PTPRD: variants seen among roughly 807,000 people sequenced by gnomAD.
The protein encoded by PTPRD is receptor-type tyrosine-protein phosphatase delta.
Under a neutral mutation model 214.5 loss-of-function variants are expected in PTPRD, and 34 were observed. The observed-to-expected ratio is 0.16, with a 90% CI of 0.12 to 0.21. The LOEUF (loss-of-function observed/expected upper bound fraction) is 0.21. PTPRD is among the 10% of genes least tolerant of loss of function. The probability of loss-of-function intolerance (pLI) is 1.00; values close to 1 mark genes in which losing one functional copy is unlikely to be tolerated. For synonymous variants in PTPRD, 1,128 were observed against 845.7 expected (o/e 1.33, Z -5.79); for missense variants, 2,545 against 2,398.7 (o/e 1.06, Z -1.27).
chr9:8,636,891 A>T (rs2096452927), intron 12 of PTPRD, 47 bp from the exon 13 acceptor site: 1 of 1,595,548 alleles, frequency 6.3e-7, no homozygotes. Flanking sequence ...ACTGAAATAC[A>T]GACTATTATC....
intron 7 of PTPRD, among the ~76,000 whole-genome samples, chr9:9,706,928 T>C (rs902398044): frequency 3.9e-5 from 6 of 152,144 alleles, no homozygotes; most frequent in Non-Finnish European, 2.9e-5. Flanking sequence ...TGAAAAATCT[T>C]GCATCCAAAG....
At chr9:10,255,267 T>C (rs2093160545) in intron 3 of PTPRD, among the ~76,000 whole-genome samples, 1 of 152,276 alleles carries the variant, frequency 6.6e-6, no homozygotes, top group African/African-American at 2.4e-5. Context: ...AGAGTGCTTT[T>C]ACACAAACCT....
intron 9 of PTPRD, among the ~76,000 whole-genome samples, chr9:9,308,354 G>A (rs941717549): frequency 6.6e-6 from 1 of 152,156 alleles, no homozygotes; most frequent in African/African-American, 2.4e-5. Context: ...TTACAGATAT[G>A]AGAATTGCAA....
chr9:9,136,764 T>C lies in PTPRD; in HGVS notation c.-143+46540A>G, dbSNP rs12340692. 5.4e-3 allele frequency among the ~76,000 whole-genome samples: 825 copies of C among 152,332 alleles called. 9 individuals are homozygous for C. The highest frequency in any genetic ancestry group is 0.019 in the African/African-American group (786 of 41,580). ...AAAAGGATCAAAACATCAATCATTA[T>C]GTTCTTTGTCTATATGACAAGTTTA... On this transcript the variant is annotated intron_variant, in intron 10 of 45. Transcript: ENST00000381196.
At chr9:9,038,928 A>G (rs1195424516) in intron 10 of PTPRD, among the ~76,000 whole-genome samples, 2 of 152,044 alleles carry the variant, frequency 1.3e-5, no homozygotes, top group Non-Finnish European at 2.9e-5. Flanking sequence ...TATACTGAGT[A>G]CCACTTACTT....
intron 8 of PTPRD, among the ~76,000 whole-genome samples, chr9:9,537,889 T>C (rs753054536): frequency 5.9e-5 from 9 of 151,968 alleles, no homozygotes; most frequent in Admixed American, 1.3e-4. Context: ...ATTTTTTTCA[T>C]ATTTAAATTT....
intron 11 of PTPRD, among the ~76,000 whole-genome samples, chr9:8,801,626 G>A (rs1437670733): frequency 6.6e-6 from 1 of 152,204 alleles, no homozygotes; most frequent in African/African-American, 2.4e-5. Flanking sequence ...TGAGTCAGGA[G>A]AATCACTTGA....
chr9:9,024,262 T>C (rs951616381), intron 10 of PTPRD, among the ~76,000 whole-genome samples: 2 of 151,602 alleles, frequency 1.3e-5, no homozygotes, highest in African/African-American at 2.4e-5. Context: ...AGTTAGTGCA[T>C]AGTTATTTTA....
intron 4 of PTPRD, among the ~76,000 whole-genome samples, chr9:10,005,390 G>C (rs568386872): frequency 6.6e-6 from 1 of 152,242 alleles, no homozygotes; most frequent in Non-Finnish European, 1.5e-5. Flanking sequence ...ACTGTGCTCA[G>C]TTCCTGCGGA....
At chr9:8,731,093 G>T (rs1361157185) in intron 12 of PTPRD, among the ~76,000 whole-genome samples, 1 of 152,138 alleles carries the variant, frequency 6.6e-6, no homozygotes, top group Non-Finnish European at 1.5e-5. Context: ...TTGAACCAAG[G>T]CTTATAAGAG....
At chr9:10,553,042 T>G (rs1458251506) in intron 2 of PTPRD, among the ~76,000 whole-genome samples, 1 of 152,168 alleles carries the variant, frequency 6.6e-6, no homozygotes, top group African/African-American at 2.4e-5. Flanking sequence ...AGGCAGTCTG[T>G]GCCTCCAGTT....
intron 33 of PTPRD, chr9:8,454,586 G>A: frequency 6.2e-7 from 1 of 1,613,008 alleles, no homozygotes; most frequent in Non-Finnish European, 8.5e-7. Flanking sequence ...TCACCTGTCG[G>A]GTTTACTGCT....
intron 31 of PTPRD, among the ~76,000 whole-genome samples, chr9:8,469,360 T>C (rs1317362883): frequency 1.3e-5 from 2 of 152,114 alleles, no homozygotes; most frequent in Admixed American, 6.6e-5. Flanking sequence ...GATGTCATTC[T>C]GGCTTGGATC....
At chr9:10,218,454 T>G (rs905181119) in intron 3 of PTPRD, among the ~76,000 whole-genome samples, 2 of 151,938 alleles carry the variant, frequency 1.3e-5, no homozygotes, top group Non-Finnish European at 2.9e-5. Flanking sequence ...TTTTGTCACT[T>G]CAAAATTTTT....
At chr9:9,358,884 A>G (rs756745982) in intron 9 of PTPRD, among the ~76,000 whole-genome samples, 1 of 151,316 alleles carries the variant, frequency 6.6e-6, no homozygotes, top group South Asian at 2.1e-4. Context: ...GAAGCCCACA[A>G]TCAAAGTTGA....
intron 3 of PTPRD, among the ~76,000 whole-genome samples, chr9:10,340,201 T>G (rs935567192): frequency 6.6e-6 from 1 of 151,930 alleles, no homozygotes; most frequent in Non-Finnish European, 1.5e-5. Flanking sequence ...TGTGATACGG[T>G]TATGTACATT....
chr9:10,478,814 T>C (rs1248482684), intron 2 of PTPRD, among the ~76,000 whole-genome samples: 1 of 151,800 alleles, frequency 6.6e-6, no homozygotes, highest in African/African-American at 2.4e-5. Flanking sequence ...TGGATCTGAA[T>C]GTTGCATTTC....
At chr9:8,910,262 C>T (rs2098738178) in intron 11 of PTPRD, among the ~76,000 whole-genome samples, 1 of 152,036 alleles carries the variant, frequency 6.6e-6, no homozygotes, top group Non-Finnish European at 1.5e-5. Flanking sequence ...TGGTCTCGAT[C>T]TCCTGACCTC....
intron 3 of PTPRD, among the ~76,000 whole-genome samples, chr9:10,203,572 T>C (rs1045596867): frequency 6.6e-6 from 1 of 152,196 alleles, no homozygotes; most frequent in East Asian, 1.9e-4. Context: ...CTTCTGTTCA[T>C]AGCCATCTGC....
Sources: allele counts gnomAD v4.1 joint callset (sites outside exome capture counted in the v4.1 genomes callset), GRCh38; gene constraint gnomAD v4.1.1; transcripts MANE v1.5; gene names NCBI Gene and HGNC (gene_info 2026-07-23, HGNC 2026-07-21).